Variants in TRAPPC12 observed in about 807,000 individuals in gnomAD.
TRAPPC12 encodes the protein trafficking protein particle complex subunit 12.
A neutral mutation model predicts 69.2 loss-of-function variants in TRAPPC12; 61 were observed. The ratio of observed to expected loss-of-function variants is 0.88; its 90% CI spans 0.72 to 1.09. The LOEUF (loss-of-function observed/expected upper bound fraction) is 1.09. TRAPPC12 is among the 50% of genes least tolerant of loss of function. The pLI is 0.00. For missense variants in TRAPPC12, 1,101 were observed against 1,016.4 expected, an observed-to-expected ratio of 1.08 and a Z score of -1.13; for synonymous variants, 469 against 438.9, an observed-to-expected ratio of 1.07 and a Z score of -0.86.
chr2:3,443,246 G>A (rs1664321268), intron 5 of TRAPPC12, among the ~76,000 whole-genome samples: 1 of 152,218 alleles, frequency 6.6e-6, no homozygotes, highest in Non-Finnish European at 1.5e-5. Flanking sequence ...GGAATCCAGT[G>A]GGAGGCCCAT....
chr2:3,479,456 G>A lies in TRAPPC12; in HGVS notation c.2203G>A (p.Ala735Thr), dbSNP rs765631395. 6.2e-7 allele frequency: 1 copy of A among 1,613,756 alleles called. No individual in the cohort carries two copies. Among genetic ancestry groups the A allele is most frequent in the East Asian group, 2.2e-5 (1 of 44,894 alleles). Reference protein sequence around the residue: ...DSFNTQCLKLA With the variant: ...DSFNTQCLKLT ...CTTCAACACACAGTGCCTCAAGCTG[G>A]CCTAGCTGCCTCCAACACACTACGT... Residue 735 changes from alanine to threonine, a missense_variant, in exon 12 of 12, where the codon GCC becomes ACC. Physicochemically the swap from Ala to Thr is moderately conservative, Grantham distance 58. Transcript: ENST00000324266.
rs1193842162 is a variant in TRAPPC12, at chr2:3,401,874, T to C, written c.1145T>C (p.Val382Ala). 19 of 1,590,838 alleles carry C rather than the reference T, an allele frequency of 1.2e-5. No individual in the cohort carries two copies. Among genetic ancestry groups the C allele is most frequent in the Non-Finnish European group, 1.6e-5 (19 of 1,170,652 alleles). Reference protein sequence around the residue: ...LNADSVEQSFVGLKQLISCRN... With the variant: ...LNADSVEQSFAGLKQLISCRN... ...GCCGACTCAGTGGAACAATCTTTTG[T>C]TGGATTGAAACAGCTAATCGTAAGT... Residue 382 changes from valine to alanine, a missense_variant, in exon 3 of 12, where the codon GTT becomes GCT. Val to Ala is a moderately conservative substitution (Grantham distance 64). Transcript: ENST00000324266.
At chr2:3,396,112 A>C (rs1273574267) in intron 2 of TRAPPC12, among the ~76,000 whole-genome samples, 1 of 151,984 alleles carries the variant, frequency 6.6e-6, no homozygotes. Flanking sequence ...TGATCTGCCC[A>C]CCTTGGCCTC....
In TRAPPC12 at chr2:3,388,487, A is replaced by G. The variant is rs994752260; in HGVS notation, c.864A>G (p.Ala288=). The change falls in exon 2 of 12, where the codon GCA becomes GCG. Residue 288 remains alanine (A), a synonymous_variant. Coordinates refer to ENST00000324266, the MANE Select transcript of TRAPPC12 (RefSeq NM_016030.6). ...TCGCGCACATCCAGGCAGTGTTTGC[A>G]GGGAGTGACGACCCCTTTGCCACCG... ...EPFAHIQAVF[A]GSDDPFATAL... 17 of 1,612,544 alleles carry G rather than the reference A, an allele frequency of 1.1e-5. No individual in the cohort carries two copies. The highest frequency in any genetic ancestry group is 1.4e-5 in the Non-Finnish European group (16 of 1,179,644).
At chr2:3,417,709 T>C (rs941533159) in intron 3 of TRAPPC12, among the ~76,000 whole-genome samples, 7 of 152,156 alleles carry the variant, frequency 4.6e-5, no homozygotes, top group African/African-American at 1.7e-4. Context: ...TCTTTGTTCT[T>C]CTTTCCACGA....
At chr2:3,446,592 T>C (rs2103107231) in intron 6 of TRAPPC12, among the ~76,000 whole-genome samples, 1 of 152,368 alleles carries the variant, frequency 6.6e-6, no homozygotes, top group South Asian at 2.1e-4. Context: ...CATGGCCGCA[T>C]GTGGGCATTC....
chr2:3,450,646 A>C (rs922294060), intron 6 of TRAPPC12, among the ~76,000 whole-genome samples: 2 of 152,190 alleles, frequency 1.3e-5, no homozygotes, highest in Admixed American at 1.3e-4. Flanking sequence ...AGCTCCAAGA[A>C]GACTCTTTTA....
rs1237376516 is a variant in TRAPPC12 at position 3,387,914 on chromosome 2, A to G, written c.291A>G (p.Glu97=). 18 of 1,535,308 alleles carry G rather than the reference A, an allele frequency of 1.2e-5. No individual in the cohort carries two copies. Among genetic ancestry groups the G allele is most frequent in the Middle Eastern group, 1.7e-4 (1 of 5,814 alleles). The change falls in exon 2 of 12, where the codon GAA becomes GAG. Residue 97 remains glutamate (E), a synonymous_variant. Coordinates refer to ENST00000324266, the MANE Select transcript of TRAPPC12 (RefSeq NM_016030.6). ...RVRDEAEPGG[E]GDPGPEPAGT... ...GGGACGAAGCTGAGCCCGGAGGGGAAGGCGACCCAGGCCCGGAGCCCGCGG... is the reference window on the plus strand; with the variant it reads ...GGGACGAAGCTGAGCCCGGAGGGGAGGGCGACCCAGGCCCGGAGCCCGCGG...
At chr2:3,453,406 T>C (rs907267374) in intron 6 of TRAPPC12, among the ~76,000 whole-genome samples, 1 of 152,202 alleles carries the variant, frequency 6.6e-6, no homozygotes, top group African/African-American at 2.4e-5. Flanking sequence ...CTGTGGTCAC[T>C]CTGCCCTCCA....
intron 6 of TRAPPC12, among the ~76,000 whole-genome samples, chr2:3,457,403 G>A (rs1363545745): frequency 6.6e-6 from 1 of 151,874 alleles, no homozygotes; most frequent in Non-Finnish European, 1.5e-5. Context: ...AGTATACCCA[G>A]GTAACCTGCA....
intron 2 of TRAPPC12, 45 bp downstream of exon 2, chr2:3,388,715 C>A: frequency 6.8e-7 from 1 of 1,475,510 alleles, no homozygotes; most frequent in Non-Finnish European, 9.0e-7. Context: ...CTCCTCTCTG[C>A]GTCTGTGAGA....
At chr2:3,386,656 C>T (rs1237498722) in intron 1 of TRAPPC12, among the ~76,000 whole-genome samples, 2 of 151,780 alleles carry the variant, frequency 1.3e-5, no homozygotes, top group Admixed American at 6.6e-5. Flanking sequence ...TCATGTCATT[C>T]GCACTGTATC....
rs1439639140 is a variant in TRAPPC12, at chr2:3,457,270, T to C, written c.1531-351T>C. On this transcript the variant is annotated intron_variant, in intron 6 of 11. Coordinates refer to ENST00000324266, the MANE Select transcript of TRAPPC12 (RefSeq NM_016030.6). ...ACATTGGATTCACATGGACAAAAAA[T>C]AGACCAGAGACTACCAGTGGGGGGA... 12 of 365,878 alleles carry C rather than the reference T, an allele frequency of 3.3e-5. No individual in the cohort carries two copies. The East Asian group carries it at 8.1e-4, about 25-fold the overall frequency. 22.7% of individuals were successfully genotyped at this position (365,878 alleles called of 1,614,324 possible). A position where few individuals can be genotyped will look rare whatever the true frequency, so the allele number is the denominator to read the frequency against.
intron 8 of TRAPPC12, among the ~76,000 whole-genome samples, chr2:3,464,980 A>G (rs551868164): frequency 1.2e-3 from 179 of 152,364 alleles, no homozygotes; most frequent in Non-Finnish European, 2.1e-3. Context: ...CAGCTGGCAC[A>G]GCGCTCCTAC....
intron 9 of TRAPPC12, among the ~76,000 whole-genome samples, chr2:3,476,681 G>T (rs1170201642): frequency 1.3e-5 from 2 of 152,214 alleles, no homozygotes; most frequent in Non-Finnish European, 2.9e-5. Flanking sequence ...AAGTTAGCAG[G>T]CTTGTTTTAA....
At chr2:3,387,105 T>C (rs1027514309) in intron 1 of TRAPPC12, among the ~76,000 whole-genome samples, 2 of 152,186 alleles carry the variant, frequency 1.3e-5, no homozygotes, top group African/African-American at 4.8e-5. Context: ...GCATCCACAA[T>C]AGCTAAAAGA....
chr2:3,443,964 G>A (rs923747837), intron 6 of TRAPPC12, 73 bp downstream of exon 6: 64 of 1,181,948 alleles, frequency 5.4e-5, no homozygotes, highest in African/African-American at 1.7e-4. Context: ...GGACATGCCC[G>A]TGCTGTTCCC....
At chr2:3,465,797 G>A in intron 9 of TRAPPC12, 102 bp downstream of exon 9, 2 of 824,656 alleles carry the variant, frequency 2.4e-6, no homozygotes, top group South Asian at 1.4e-5. Context: ...AAGAAAGACT[G>A]CAGAAAATAT....
Position 3,443,877 on chromosome 2 carries a change from ACTGT to A in TRAPPC12, c.1520_1523del (p.Val507AlafsTer12). ...GCTGGATAGACTGCACAAGGTGAAG[ACTGT>A]CTGCAGCAAGGTAGGTGGCGCTGTC... On this transcript the variant is annotated frameshift_variant, in exon 6 of 12. Coordinates refer to ENST00000324266, the MANE Select transcript of TRAPPC12 (RefSeq NM_016030.6). LOFTEE classifies it high-confidence loss of function. 6.2e-7 allele frequency: 1 copy of A among 1,613,390 alleles called. No homozygotes were observed. Among genetic ancestry groups the A allele is most frequent in the Non-Finnish European group, 8.5e-7 (1 of 1,179,462 alleles).
Sources: allele counts gnomAD v4.1 joint callset (sites outside exome capture counted in the v4.1 genomes callset), GRCh38; gene constraint gnomAD v4.1.1; transcripts MANE v1.5; gene names NCBI Gene and HGNC (gene_info 2026-07-23, HGNC 2026-07-21).